The following LAMB4 variants were observed in gnomAD, a reference collection of about 807,000 sequenced individuals.
LAMB4 encodes the protein laminin subunit beta-4.
In LAMB4, 196 loss-of-function variants were observed where a neutral mutation model predicts 199.2. The ratio of observed to expected loss-of-function variants is 0.98; its 90% CI spans 0.88 to 1.11. The LOEUF (loss-of-function observed/expected upper bound fraction) is 1.11. Among genes scored for constraint, LAMB4 ranks in the 50% least tolerant of loss-of-function variants. LAMB4 has a pLI of 0.00. For missense variants in LAMB4, 2,080 were observed against 2,171.2 expected, an observed-to-expected ratio of 0.96 and a Z score of 0.83; for synonymous variants, 744 against 770.6, an observed-to-expected ratio of 0.97 and a Z score of 0.57.
At chr7:108,098,374 A>G (rs150965342) in intron 11 of LAMB4, 29 bp downstream of exon 11, 10,795 of 1,351,042 alleles carry the variant, frequency 8.0e-3, no homozygotes, top group Non-Finnish European at 9.7e-3. Context: ...GTTGATGGAC[A>G]CTCCCCCGAC....
rs754739499 is a variant in LAMB4 at position 108,042,937 on chromosome 7, C to CTGTGTGTGTGTGTG, written c.4471+801_4471+814dup. Among the ~76,000 whole-genome samples, 956 of 140,356 alleles carry CTGTGTGTGTGTGTG rather than the reference C, an allele frequency of 6.8e-3. 10 individuals carry two copies. The highest frequency in any genetic ancestry group is 0.021 in the African/African-American group (780 of 36,358). The allele number at this position is 140,356 out of a possible 152,430, so 92.1% of individuals were successfully genotyped here. ...ATTAATCATCTCTCTCTCTCAATCT[C>CTGTGTGTGTGTGTG]TGTGTGTGTGTGTGTGTGTGTGTGT... On this transcript the variant is annotated intron_variant, in intron 29 of 33. Transcript: ENST00000388781.
chr7:108,125,205 T>C (rs1475214004), intron 1 of LAMB4, among the ~76,000 whole-genome samples: 1 of 152,138 alleles, frequency 6.6e-6, no homozygotes, highest in Non-Finnish European at 1.5e-5. Flanking sequence ...GTCCATTCTG[T>C]ATAGGCCACC....
Position 108,098,599 on chromosome 7 carries a change from T to A in LAMB4, c.1181-17A>T. 1 of 1,574,858 alleles carries A rather than the reference T, an allele frequency of 6.3e-7. No individual in the cohort carries two copies. The highest frequency in any genetic ancestry group is 8.6e-7 in the Non-Finnish European group (1 of 1,162,590). On this transcript the variant is annotated splice_polypyrimidine_tract_variant and intron_variant, in intron 10 of 33. Transcript: ENST00000388781. ...ATTCACAAGCTGGGGACACAGACAT[T>A]CATTGTTTTAGTTAATTGCAAATTG...
At chr7:108,115,775 A>G (rs2038382020) in intron 3 of LAMB4, among the ~76,000 whole-genome samples, 1 of 152,204 alleles carries the variant, frequency 6.6e-6, no homozygotes, top group Non-Finnish European at 1.5e-5. Context: ...TTACATGTAA[A>G]TACTATGCCA....
chr7:108,118,248 T>C (rs541587062), intron 2 of LAMB4, among the ~76,000 whole-genome samples: 22 of 152,212 alleles, frequency 1.4e-4, no homozygotes, highest in Non-Finnish European at 3.1e-4. Context: ...TTTATTGCAA[T>C]TCAAAATGAT....
At chr7:108,088,445 T>C (rs1384870441) in intron 14 of LAMB4, among the ~76,000 whole-genome samples, 1 of 152,204 alleles carries the variant, frequency 6.6e-6, no homozygotes, top group Non-Finnish European at 1.5e-5. Flanking sequence ...ATTACAGGCA[T>C]GAGCCACCAT....
At position 108,078,537 on chromosome 7, in the gene LAMB4, G is replaced by T. The variant is rs534646271; in HGVS notation, c.1888-221C>A. Among the ~76,000 whole-genome samples the T allele has an allele frequency of 8.5e-5, 13 of 152,232 alleles. No individual in the cohort carries two copies. In the South Asian group the frequency reaches 2.7e-3, roughly 32 times the overall value. Reference sequence around the variant, plus strand: ...AGGCAGAAAAAGCATTGTTTCTCATGGGCTCATGAGCCTGGAAAAACCTTA... The same window carrying T: ...AGGCAGAAAAAGCATTGTTTCTCATTGGCTCATGAGCCTGGAAAAACCTTA... On this transcript the variant is annotated intron_variant, in intron 15 of 33. Coordinates refer to ENST00000388781, the MANE Select transcript of LAMB4 (RefSeq NM_007356.3).
chr7:108,055,739 G>C lies in LAMB4; in HGVS notation c.3648C>G (p.Asp1216Glu). 6.2e-7 allele frequency: 1 copy of C among 1,614,138 alleles called. No homozygotes were observed. Among genetic ancestry groups the C allele is most frequent in the Non-Finnish European group, 8.5e-7 (1 of 1,179,974 alleles). Residue 1216 changes from aspartate to glutamate, a missense_variant, in exon 25 of 34, where the codon GAC becomes GAG. By Grantham distance (45) the Asp-to-Glu change is conservative. Coordinates refer to ENST00000388781, the MANE Select transcript of LAMB4 (RefSeq NM_007356.3). ...ACACGTTCCCTCTGAGGTCTTTGAA[G>C]TCTGCCTCACAGACAGGCAGGGTCT... is the stretch of plus-strand genomic sequence containing the variant. The part of the protein sequence containing the change: ...KRETLPVCEA[D>E]FKDLRGNVSE...
chr7:108,039,031 T>TG (rs2035326726), intron 29 of LAMB4, among the ~76,000 whole-genome samples: 1 of 152,074 alleles, frequency 6.6e-6, no homozygotes, highest in African/African-American at 2.4e-5. Context: ...AAACTAGACC[T>TG]GGGAGGACAG....
rs776357466 is a variant in LAMB4 at position 108,106,538 on chromosome 7, A to G, written c.626T>C (p.Ile209Thr). 9 of 1,583,800 alleles carry G rather than the reference A, an allele frequency of 5.7e-6. No homozygotes were observed. The highest frequency in any genetic ancestry group is 2.2e-5 in the East Asian group (1 of 44,732). The change falls in exon 7 of 34, where the codon ATT becomes ACT. Residue 209 changes from isoleucine to threonine, a missense_variant. Physicochemically the swap from Ile to Thr is moderately conservative, Grantham distance 89 (BLOSUM62 -1). Coordinates refer to ENST00000388781, the MANE Select transcript of LAMB4 (RefSeq NM_007356.3). ...GATGTAGGGGCTATAAGGGTTTTCA[A>G]TTTCAAAACTGGGATCCAAAACTTT... ...VLKVLDPSFE[I>T]ENPYSPYIQD...
intron 10 of LAMB4, among the ~76,000 whole-genome samples, chr7:108,100,423 T>A (rs950152400): frequency 6.6e-6 from 1 of 152,178 alleles, no homozygotes; most frequent in Admixed American, 6.5e-5. Context: ...ATACACATCA[T>A]TTGTATATAT....
At chr7:108,101,353 G>A (rs750713665) in intron 10 of LAMB4, among the ~76,000 whole-genome samples, 2 of 152,150 alleles carry the variant, frequency 1.3e-5, no homozygotes, top group Non-Finnish European at 2.9e-5. Flanking sequence ...TTGCTATAAA[G>A]CAATGAATCC....
At chr7:108,097,508 G>A (rs2037652477) in intron 11 of LAMB4, among the ~76,000 whole-genome samples, 1 of 152,214 alleles carries the variant, frequency 6.6e-6, no homozygotes, top group Non-Finnish European at 1.5e-5. Flanking sequence ...AAAAGAGGCC[G>A]GGCATGGCGG....
downstream of LAMB4, among the ~76,000 whole-genome samples, chr7:108,020,706 T>G (rs1266654717): frequency 6.6e-6 from 1 of 152,144 alleles, no homozygotes. Flanking sequence ...TGGAAATGCA[T>G]GATACTGATC....
chr7:108,121,458 C>A (rs901476162), intron 2 of LAMB4, among the ~76,000 whole-genome samples: 5 of 152,050 alleles, frequency 3.3e-5, no homozygotes, highest in Non-Finnish European at 7.4e-5. Flanking sequence ...AGAAAAAATA[C>A]CAAGAATGCG....
intron 3 of LAMB4, among the ~76,000 whole-genome samples, chr7:108,115,780 A>G (rs2038382261): frequency 6.6e-6 from 1 of 152,210 alleles, no homozygotes; most frequent in Admixed American, 6.5e-5. Context: ...TGTAAATACT[A>G]TGCCATTTTA....
At chr7:108,017,149 T>C in the LAMB4 span, among the ~76,000 whole-genome samples, 1 of 152,246 alleles carries the variant, frequency 6.6e-6, no homozygotes, top group South Asian at 2.1e-4. Context: ...GCAAGCTTAC[T>C]TTGTATCACT....
At chr7:108,035,115 C>A (rs1194428447) in intron 30 of LAMB4, among the ~76,000 whole-genome samples, 2 of 152,168 alleles carry the variant, frequency 1.3e-5, no homozygotes, top group African/African-American at 4.8e-5. Context: ...CCTTCAGGAG[C>A]CTTCCCTCCT....
rs1397439635 is a variant in LAMB4, at chr7:108,095,137, G to C, written c.1470+91C>G. The C allele has an allele frequency of 3.4e-6, 3 of 877,872 alleles. No individual in the cohort carries two copies. In the African/African-American group the frequency reaches 4.9e-5, roughly 14 times the overall value. 54.4% of individuals were successfully genotyped at this position (877,872 alleles called of 1,614,324 possible). On this transcript the variant is annotated intron_variant, in intron 12 of 33. Transcript: ENST00000388781. ...GGAGTATTAAAACACAATAGGACAA[G>C]AAAGAGATTAGCAAAACCAAGTCTT...
Sources: gnomAD v4.1 joint callset for allele counts (sites outside exome capture counted in the v4.1 genomes callset) on GRCh38, gnomAD v4.1.1 for gene constraint, MANE v1.5 for transcripts, NCBI Gene and HGNC (gene_info 2026-07-23, HGNC 2026-07-21) for gene names.